MORC4: variants seen among roughly 807,000 people sequenced by gnomAD.
MORC4 encodes the protein MORC family CW-type zinc finger protein 4.
In MORC4, 22 loss-of-function variants were observed where a neutral mutation model predicts 65.5. The observed-to-expected ratio is 0.34, with a 90% confidence interval of 0.24 to 0.48. MORC4 has a LOEUF of 0.48. Ranked by LOEUF, MORC4 falls within the 20% of genes least tolerant of loss-of-function variation. MORC4 has a pLI of 0.99. For synonymous variants in MORC4, 267 were observed against 255.8 expected (o/e 1.04, Z -0.42); for missense variants, 624 against 703.0 (o/e 0.89, Z 1.27).
Position 106,986,217 on chromosome X carries a change from A to G in MORC4, c.309-17T>C, listed in dbSNP as rs201593636. On this transcript the variant is annotated splice_polypyrimidine_tract_variant and intron_variant, in intron 3 of 16. Coordinates refer to ENST00000355610, the MANE Select transcript of MORC4 (RefSeq NM_024657.5). ...AAGCCAAAGCTGCAATTACACAAGA[A>G]AAAACAAATCAGAAAAAAAGAAATC... 4.4e-6 allele frequency: 5 copies of G among 1,135,176 alleles called. No individual in the cohort carries two copies. In the East Asian group the frequency reaches 1.5e-4, roughly 34 times the overall value. The allele number at this position is 1,135,176 out of a possible 1,213,427, so 93.6% of individuals were successfully genotyped here. A position where few individuals can be genotyped will look rare whatever the true frequency, so the allele number is the denominator to read the frequency against.
At chrX:106,997,106 G>A (rs1271179765) in intron 2 of MORC4, among the ~76,000 whole-genome samples, 1 of 111,983 alleles carries the variant, frequency 8.9e-6, no homozygotes, top group Non-Finnish European at 1.9e-5. Flanking sequence ...TAAAGGTAAG[G>A]TCATCACCTT....
intron 3 of MORC4, among the ~76,000 whole-genome samples, chrX:106,990,538 A>G (rs910408299): frequency 8.9e-6 from 1 of 112,474 alleles, no homozygotes; most frequent in African/African-American, 3.2e-5. Context: ...AATTATAGGC[A>G]TGAGCCACCA....
chrX:106,973,143 A>T (rs1218195112), intron 9 of MORC4, among the ~76,000 whole-genome samples: 1 of 112,127 alleles, frequency 8.9e-6, no homozygotes, highest in Non-Finnish European at 1.9e-5. Context: ...TAGAGGATGA[A>T]GGCCTTGACA....
intron 9 of MORC4, among the ~76,000 whole-genome samples, chrX:106,972,275 C>A (rs1270152044): frequency 9.1e-6 from 1 of 110,391 alleles, no homozygotes; most frequent in African/African-American, 3.3e-5. Flanking sequence ...AATGAGAACA[C>A]ATGGACACAG....
chrX:106,956,163 C>T (rs1335543683), intron 13 of MORC4, among the ~76,000 whole-genome samples: 1 of 111,793 alleles, frequency 8.9e-6, no homozygotes, highest in African/African-American at 3.3e-5. Flanking sequence ...AAAGCAGACA[C>T]TTAACAGGAG....
intron 14 of MORC4, among the ~76,000 whole-genome samples, chrX:106,950,539 G>A (rs756632201): frequency 1.8e-5 from 2 of 112,257 alleles, no homozygotes; most frequent in South Asian, 7.4e-4. Context: ...ACTTCTTCCA[G>A]CATAGACTTC....
rs367616873 is a variant in MORC4, at chrX:106,956,466, G to A, written c.1509+14C>T. 3.4e-6 allele frequency: 4 copies of A among 1,182,624 alleles called. No individual in the cohort carries two copies. In the African/African-American group the frequency reaches 7.0e-5, roughly 21 times the overall value. Reference sequence around the variant, plus strand: ...TGTTGTGTGAGAACAATAAGGGTGTGCACTGCCTCTCACCTGGTGGTTCTC... The same window carrying A: ...TGTTGTGTGAGAACAATAAGGGTGTACACTGCCTCTCACCTGGTGGTTCTC... On this transcript the variant is annotated intron_variant, in intron 13 of 16. Transcript: ENST00000355610.
chrX:106,946,533 T>C (rs1307939342), intron 14 of MORC4, among the ~76,000 whole-genome samples: 2 of 112,354 alleles, frequency 1.8e-5, no homozygotes, highest in East Asian at 2.8e-4. Flanking sequence ...CATTCATCAG[T>C]TGATAGTTAT....
At chrX:106,999,442 A>G (rs1479173286) in intron 2 of MORC4, among the ~76,000 whole-genome samples, 2 of 111,778 alleles carry the variant, frequency 1.8e-5, no homozygotes, top group Non-Finnish European at 3.8e-5. Context: ...GAAAAACCAC[A>G]CTGGTGTCTT....
chrX:106,956,856 T>C, intron 12 of MORC4, 80 bp downstream of exon 12: 2 of 771,536 alleles, frequency 2.6e-6, no homozygotes, highest in South Asian at 2.6e-5. Context: ...AAATTCTCTC[T>C]TCTCAAAACT....
intron 2 of MORC4, among the ~76,000 whole-genome samples, chrX:106,998,016 A>G (rs965629127): frequency 8.9e-6 from 1 of 112,404 alleles, no homozygotes; most frequent in Non-Finnish European, 1.9e-5. Context: ...CTCCCCTACT[A>G]GAAGAGTGAA....
At chrX:106,988,836 C>T (rs1256098401) in intron 3 of MORC4, among the ~76,000 whole-genome samples, 1 of 112,031 alleles carries the variant, frequency 8.9e-6, no homozygotes, top group East Asian at 2.8e-4. Flanking sequence ...AATACAGCAG[C>T]TTGCTCTGGA....
In MORC4 at chrX:106,974,426, G is replaced by A. The variant is rs545893241; in HGVS notation, c.1157+2158C>T. ...ATTCTGAGTTCCTGTCACTACCTTA[G>A]CTCATGCTACAATTCCATCCTAGAA... is the stretch of plus-strand genomic sequence containing the variant. On this transcript the variant is annotated intron_variant, in intron 9 of 16. Transcript: ENST00000355610. Among the ~76,000 whole-genome samples, 11 of 111,226 alleles carry A rather than the reference G, an allele frequency of 9.9e-5. No individual in the cohort carries two copies. In the South Asian group the frequency reaches 3.8e-3, roughly 39 times the overall value.
chrX:106,969,373 G>C (rs1182237490), intron 9 of MORC4, among the ~76,000 whole-genome samples: 1 of 111,920 alleles, frequency 8.9e-6, no homozygotes, highest in Non-Finnish European at 1.9e-5. Flanking sequence ...AGAGAAAACA[G>C]GAGAGATCTA....
intron 14 of MORC4, among the ~76,000 whole-genome samples, chrX:106,953,461 A>C (rs1170775827): frequency 9.0e-6 from 1 of 111,444 alleles, no homozygotes; most frequent in African/African-American, 3.3e-5. Context: ...ACCCCTCCCA[A>C]CCTAAAATGG....
At position 106,942,187 on chromosome X, in the gene MORC4, T is replaced by A; in HGVS notation, c.2411A>T (p.Gln804Leu). Residue 804 changes from glutamine (Q) to leucine (L), a missense_variant, in exon 16 of 17, where the codon CAG becomes CTG. Gln to Leu is a moderately radical substitution (Grantham distance 113, BLOSUM62 -2). Transcript: ENST00000355610. ...EELEQERNHW[Q>L]SEFKKVQHEL... is the part of the protein sequence containing the mutation. ...ATGTTGGACTTTCTTGAATTCAGACTGCCAGTGATTCCTCTCCTGTTCCAG... is the reference window on the plus strand; with the variant it reads ...ATGTTGGACTTTCTTGAATTCAGACAGCCAGTGATTCCTCTCCTGTTCCAG... 8.3e-7 allele frequency: 1 copy of A among 1,209,772 alleles called. No homozygotes were observed. The highest frequency in any genetic ancestry group is 1.7e-5 in the African/African-American group (1 of 57,696).
At chrX:106,971,854 T>C (rs748567965) in intron 9 of MORC4, among the ~76,000 whole-genome samples, 2 of 112,148 alleles carry the variant, frequency 1.8e-5, no homozygotes, top group African/African-American at 6.5e-5. Context: ...ATAGGAACCC[T>C]TTGACACTGT....
In MORC4 at chrX:106,993,254, G is replaced by T; in HGVS notation, c.284C>A (p.Pro95His). The T allele has an allele frequency of 8.3e-7, 1 of 1,209,727 alleles. No individual in the cohort carries two copies. Among genetic ancestry groups the T allele is most frequent in the Non-Finnish European group, 1.1e-6 (1 of 894,013 alleles). Reference protein sequence around the residue: ...TFTDDGCGMTPHKLHRMLSFG... With the variant: ...TFTDDGCGMTHHKLHRMLSFG... ...CCTGAGCATTCGGTGTAGTTTATGA[G>T]GTGTCATCCCACATCCATCATCGGT... is the stretch of plus-strand genomic sequence containing the variant. The change falls in exon 3 of 17, where the codon CCT (proline) becomes CAT (histidine). Residue 95 changes from proline to histidine, a missense_variant. Physicochemically the swap from Pro to His is moderately conservative, Grantham distance 77. Transcript: ENST00000355610.
chrX:106,974,982 T>C (rs895457253), intron 9 of MORC4, among the ~76,000 whole-genome samples: 2 of 111,488 alleles, frequency 1.8e-5, no homozygotes, highest in Non-Finnish European at 3.8e-5. Context: ...GCAGATGTTA[T>C]GCTAAGTAAG....
Sources: gnomAD v4.1 joint callset for allele counts (sites outside exome capture counted in the v4.1 genomes callset) on GRCh38, gnomAD v4.1.1 for gene constraint, MANE v1.5 for transcripts, NCBI Gene and HGNC (gene_info 2026-07-23, HGNC 2026-07-21) for gene names.